LATS2: variants seen among roughly 807,000 people sequenced by gnomAD.
LATS2 encodes the protein large tumor suppressor kinase 2.
Under a neutral mutation model 76.0 loss-of-function variants are expected in LATS2, and 24 were observed. The observed-to-expected ratio is 0.32, with a 90% CI of 0.23 to 0.44. LATS2 has a LOEUF of 0.44. Among genes scored for constraint, LATS2 ranks in the 20% least tolerant of loss-of-function variants. The probability of loss-of-function intolerance (pLI) is 1.00; values close to 1 mark genes in which losing one functional copy is unlikely to be tolerated. For missense variants in LATS2, 1,286 were observed against 1,481.2 expected (o/e 0.87, Z 2.16); for synonymous variants, 692 against 635.4 (o/e 1.09, Z -1.34).
At chr13:20,982,342 G>C (rs573245172) in intron 5 of LATS2, among the ~76,000 whole-genome samples, 4 of 152,272 alleles carry the variant, frequency 2.6e-5, no homozygotes, top group African/African-American at 9.6e-5. Flanking sequence ...ACAGAGTTTC[G>C]CTCTTGTTGC....
At chr13:21,026,887 G>A (rs971236826) in intron 2 of LATS2, among the ~76,000 whole-genome samples, 1 of 152,122 alleles carries the variant, frequency 6.6e-6, no homozygotes, top group Admixed American at 6.6e-5. Flanking sequence ...CCACTACTTA[G>A]TATTATCAGA....
intron 1 of LATS2, among the ~76,000 whole-genome samples, 199 bp downstream of exon 1, chr13:21,061,147 G>A (rs951301515): frequency 2.0e-5 from 3 of 151,750 alleles, no homozygotes; most frequent in African/African-American, 7.3e-5. Flanking sequence ...CCGGGCGGGG[G>A]CGGCTCCGGG....
chr13:20,989,176 T>C lies in LATS2; in HGVS notation c.604A>G (p.Thr202Ala), dbSNP rs908687402. 6.2e-7 allele frequency: 1 copy of C among 1,613,144 alleles called. No individual in the cohort carries two copies. Among genetic ancestry groups the C allele is most frequent in the African/African-American group, 1.3e-5 (1 of 74,942 alleles). ...GGCCGCGGCATCTCCTCCAGCGCCG[T>C]GGGGCCGTCAGCGCCGAAGCTTGGG... The part of the protein sequence containing the change: ...EGPSFGADGP[T>A]ALEEMPRPYV... Residue 202 changes from threonine (T) to alanine (A), a missense_variant, in exon 4 of 8, where the codon ACG becomes GCG. By Grantham distance (58) the Thr-to-Ala change is moderately conservative. Coordinates refer to ENST00000382592, the MANE Select transcript of LATS2 (RefSeq NM_014572.3).
At chr13:21,032,552 C>G (rs1439960028) in intron 2 of LATS2, among the ~76,000 whole-genome samples, 4 of 152,210 alleles carry the variant, frequency 2.6e-5, no homozygotes, top group Non-Finnish European at 4.4e-5. Flanking sequence ...AGGGGTGAGC[C>G]ACTGCACCCA....
In LATS2 at chr13:21,038,836, G is replaced by A. The variant is rs967608374; in HGVS notation, c.342+6849C>T. Among the ~76,000 whole-genome samples the A allele has an allele frequency of 8.5e-5, 13 of 152,138 alleles. No homozygotes were observed. The East Asian group carries it at 1.5e-3, about 18-fold the overall frequency. On this transcript the variant is annotated intron_variant, in intron 2 of 7. Transcript: ENST00000382592. ...TATTAAAAATACAAAAAAATTAGCC[G>A]GGCGTGGTGGTGCATGCCTGTAATC...
At chr13:21,006,677 G>A (rs538539855) in intron 2 of LATS2, among the ~76,000 whole-genome samples, 36 of 152,292 alleles carry the variant, frequency 2.4e-4, no homozygotes, top group East Asian at 1.7e-3. Context: ...AAATTCTGCC[G>A]CTGTCTCCAT....
At chr13:21,054,904 T>C (rs1283786001) in intron 1 of LATS2, among the ~76,000 whole-genome samples, 1 of 152,202 alleles carries the variant, frequency 6.6e-6, no homozygotes, top group Non-Finnish European at 1.5e-5. Context: ...CCACAAGCTG[T>C]TCTGATTTTT....
chr13:20,994,685 G>A (rs755932798), intron 2 of LATS2, among the ~76,000 whole-genome samples: 13 of 152,120 alleles, frequency 8.5e-5, no homozygotes, highest in African/African-American at 1.9e-4. Flanking sequence ...GCTTGAGCCC[G>A]GGAGTTTGAG....
chr13:21,013,730 C>A (rs1426183286), intron 2 of LATS2, among the ~76,000 whole-genome samples: 1 of 152,174 alleles, frequency 6.6e-6, no homozygotes, highest in African/African-American at 2.4e-5. Flanking sequence ...CTTAAGGAGC[C>A]TGAGGCAGGA....
chr13:21,016,896 C>T (rs1284851125), intron 2 of LATS2, among the ~76,000 whole-genome samples: 6 of 152,188 alleles, frequency 3.9e-5, no homozygotes, highest in Admixed American at 1.3e-4. Context: ...TTGTTAAGTC[C>T]GGTTCCCCAA....
In LATS2 at chr13:20,991,823, G is replaced by A. The variant is rs1299302188; in HGVS notation, c.343-419C>T. 7.2e-5 allele frequency among the ~76,000 whole-genome samples: 11 copies of A among 152,196 alleles called. No homozygotes were observed. The highest frequency in any genetic ancestry group is 7.2e-4 in the Admixed American group (11 of 15,282). On this transcript the variant is annotated intron_variant, in intron 2 of 7. Coordinates refer to ENST00000382592, the MANE Select transcript of LATS2 (RefSeq NM_014572.3). The surrounding 1 kb of genome is among the most constrained non-coding windows in gnomAD (Gnocchi z 4.9). The stretch of plus-strand genomic sequence containing the variant: ...CAGCTCACCTCCAGGCTAACTCTGG[G>A]ACTAGGAAACCTGTCCCCAGGGAGA...
intron 2 of LATS2, among the ~76,000 whole-genome samples, chr13:21,012,392 G>A (rs962539599): frequency 1.3e-5 from 2 of 152,154 alleles, no homozygotes; most frequent in African/African-American, 4.8e-5. Context: ...AACCACACAT[G>A]CGTAAGTAAG....
intron 2 of LATS2, among the ~76,000 whole-genome samples, chr13:21,014,769 G>C (rs191138469): frequency 1.1e-3 from 168 of 152,330 alleles, no homozygotes; most frequent in African/African-American, 3.8e-3. Context: ...TTTTAAAAAA[G>C]AATGTTTGTT....
At chr13:21,006,537 A>G (rs1450719977) in intron 2 of LATS2, among the ~76,000 whole-genome samples, 1 of 152,222 alleles carries the variant, frequency 6.6e-6, no homozygotes, top group Non-Finnish European at 1.5e-5. Flanking sequence ...AAGCATGAAC[A>G]GATTAAATGT....
At chr13:21,052,109 A>G (rs1873292133) in intron 1 of LATS2, among the ~76,000 whole-genome samples, 1 of 152,196 alleles carries the variant, frequency 6.6e-6, no homozygotes, top group Non-Finnish European at 1.5e-5. Context: ...CCTGCACGGT[A>G]CCAAGGGTCT....
chr13:21,061,056 C>T (rs1873626651), intron 1 of LATS2, among the ~76,000 whole-genome samples: 1 of 151,718 alleles, frequency 6.6e-6, no homozygotes, highest in Non-Finnish European at 1.5e-5. Flanking sequence ...CCCCGCTGCC[C>T]CCGCCCGACG....
At chr13:20,975,830 C>T (rs1869597903) in intron 7 of LATS2, among the ~76,000 whole-genome samples, 1 of 152,142 alleles carries the variant, frequency 6.6e-6, no homozygotes, top group Non-Finnish European at 1.5e-5. Flanking sequence ...ATTACAGGCG[C>T]CTGCCACCAC....
chr13:21,056,472 C>T (rs906220631), intron 1 of LATS2, among the ~76,000 whole-genome samples: 4 of 152,156 alleles, frequency 2.6e-5, no homozygotes, highest in African/African-American at 9.7e-5. Context: ...AATTGAGCTA[C>T]AGAAGTCTGT....
chr13:20,991,222 C>G lies in LATS2; in HGVS notation c.475+50G>C. The G allele has an allele frequency of 1.2e-6, 2 of 1,610,604 alleles. No homozygotes were observed. The highest frequency in any genetic ancestry group is 8.5e-7 in the Non-Finnish European group (1 of 1,177,970). On this transcript the variant is annotated intron_variant, in intron 3 of 7. Coordinates refer to ENST00000382592, the MANE Select transcript of LATS2 (RefSeq NM_014572.3). The surrounding 1 kb of genome is among the most constrained non-coding windows in gnomAD (Gnocchi z 4.9). ...ACCCCTCTGCACGTGGTTTTGTTGTCCTTAAGCCACAAACCATCTTTGCCC... is the reference window on the plus strand; with the variant it reads ...ACCCCTCTGCACGTGGTTTTGTTGTGCTTAAGCCACAAACCATCTTTGCCC...
Sources: allele counts gnomAD v4.1 joint callset (sites outside exome capture counted in the v4.1 genomes callset), GRCh38; gene constraint gnomAD v4.1.1; non-coding constraint Gnocchi (gnomAD v3.1); transcripts MANE v1.5; gene names NCBI Gene and HGNC (gene_info 2026-07-23, HGNC 2026-07-21).